Variants in PKD2L1 observed in about 807,000 individuals in gnomAD.
PKD2L1 encodes polycystin-2-like protein 1.
Under a neutral mutation model 93.0 loss-of-function variants are expected in PKD2L1, and 77 were observed. That is an observed-to-expected ratio of 0.83 (90% CI 0.69 to 1.00). The LOEUF is 1.00. Among genes scored for constraint, PKD2L1 ranks in the 50% least tolerant of loss-of-function variants. The pLI is 0.00. For missense variants in PKD2L1, 977 were observed against 990.9 expected, an observed-to-expected ratio of 0.99 and a Z score of 0.19; for synonymous variants, 390 against 388.0, an observed-to-expected ratio of 1.01 and a Z score of -0.06.
intron 6 of PKD2L1, among the ~76,000 whole-genome samples, chr10:100,296,734 C>T (rs1195827220): frequency 1.1e-4 from 16 of 149,414 alleles, no homozygotes; most frequent in South Asian, 8.5e-4. Flanking sequence ...GAATATAGTA[C>T]ACTAAAAAAA....
At chr10:100,296,397 A>T in intron 6 of PKD2L1, 105 bp from the exon 7 acceptor site, 1 of 865,950 alleles carries the variant, frequency 1.2e-6, no homozygotes, top group Non-Finnish European at 1.7e-6. Flanking sequence ...GACAGGTGGG[A>T]AAAAAGCCAT....
At chr10:100,294,089 G>A (rs1848466587) in intron 9 of PKD2L1, among the ~76,000 whole-genome samples, 1 of 152,214 alleles carries the variant, frequency 6.6e-6, no homozygotes, top group South Asian at 2.1e-4. Context: ...CTCCAGCCTG[G>A]GTGACAGAGT....
intron 2 of PKD2L1, among the ~76,000 whole-genome samples, chr10:100,301,898 G>T (rs1396952697): frequency 6.6e-6 from 1 of 152,120 alleles, no homozygotes; most frequent in Non-Finnish European, 1.5e-5. Flanking sequence ...TCCATTCGGG[G>T]TCCCTGACTT....
chr10:100,289,105 C>T (rs1322358592), intron 14 of PKD2L1, 49 bp from the exon 15 acceptor site: 1 of 1,359,908 alleles, frequency 7.4e-7, no homozygotes, highest in Non-Finnish European at 1.0e-6. Flanking sequence ...AGTTTGTGTA[C>T]CACTTTTCTT....
chr10:100,328,112 C>T (rs780434340), intron 2 of PKD2L1, among the ~76,000 whole-genome samples: 2 of 152,220 alleles, frequency 1.3e-5, no homozygotes, highest in African/African-American at 4.8e-5. Flanking sequence ...CACAACCCCA[C>T]ACACAACTAT....
At chr10:100,301,464 C>T (rs1043674251) in intron 2 of PKD2L1, among the ~76,000 whole-genome samples, 4 of 150,812 alleles carry the variant, frequency 2.7e-5, no homozygotes, top group African/African-American at 7.4e-5. Flanking sequence ...GCCCCCCCCC[C>T]GGGAATGCAT....
chr10:100,288,938 C>G, intron 15 of PKD2L1, 34 bp downstream of exon 15: 1 of 1,427,522 alleles, frequency 7.0e-7, no homozygotes, highest in Non-Finnish European at 9.7e-7. Context: ...GGGAGGGAAG[C>G]CTGCTGTCTG....
intron 2 of PKD2L1, among the ~76,000 whole-genome samples, chr10:100,308,376 C>T (rs570729677): frequency 2.0e-5 from 3 of 151,794 alleles, no homozygotes; most frequent in East Asian, 3.9e-4. Flanking sequence ...CTCTTGTTGC[C>T]CTGGCTGGAG....
At chr10:100,309,371 T>C (rs926005237) in intron 2 of PKD2L1, among the ~76,000 whole-genome samples, 2 of 97,456 alleles carry the variant, frequency 2.1e-5, no homozygotes, top group African/African-American at 7.1e-5. Context: ...ACTATAATAA[T>C]AGTAAAACAA....
chr10:100,299,786 C>T lies in PKD2L1; in HGVS notation c.350-68G>A, dbSNP rs561429807. ...CCAGAGGAGACAGGAAAGCCTATTG[C>T]CCTGGAGTCAGAGATGCTTCCAAGA... On this transcript the variant is annotated intron_variant, in intron 2 of 15. Transcript: ENST00000318222. 753 of 1,453,536 alleles carry T rather than the reference C, an allele frequency of 5.2e-4. 1 individual carries two copies. Among genetic ancestry groups the T allele is most frequent in the Non-Finnish European group, 6.6e-4 (687 of 1,039,304 alleles). The allele number at this position is 1,453,536 out of a possible 1,614,324, so 90.0% of individuals were successfully genotyped here.
At chr10:100,303,175 A>C (rs1255066849) in intron 2 of PKD2L1, among the ~76,000 whole-genome samples, 1 of 150,490 alleles carries the variant, frequency 6.6e-6, no homozygotes, top group Non-Finnish European at 1.5e-5. Flanking sequence ...CTTTAAGTCC[A>C]TAATTACATC....
intron 11 of PKD2L1, 152 bp downstream of exon 11, chr10:100,292,796 A>T: frequency 1.4e-6 from 1 of 708,452 alleles, no homozygotes; most frequent in Non-Finnish European, 2.3e-6. Flanking sequence ...GAAGGTCAGG[A>T]GCGGAGACCT....
At chr10:100,329,786 TCCACCC>T in intron 1 of PKD2L1, 77 bp downstream of exon 1, 1 of 938,760 alleles carries the variant, frequency 1.1e-6, no homozygotes, top group African/African-American at 1.6e-5. Flanking sequence ...CAGATCACAT[TCCACCC>T]CCACCCCCTG....
At chr10:100,309,373 G>T (rs1848880024) in intron 2 of PKD2L1, among the ~76,000 whole-genome samples, 1 of 96,712 alleles carries the variant, frequency 1.0e-5, no homozygotes, top group African/African-American at 3.6e-5. Context: ...TATAATAATA[G>T]TAAAACAATA....
Position 100,294,527 on chromosome 10 carries a change from AC to A in PKD2L1, c.1659+7del, listed in dbSNP as rs776194522. On this transcript the variant is annotated splice_region_variant and intron_variant, in intron 9 of 15. Coordinates refer to ENST00000318222, the MANE Select transcript of PKD2L1 (RefSeq NM_016112.3). ...CTCTATGTCCCCACCCCTCAGAGAG[AC>A]CCTCACCAGGAGCACGAAGAAGACG... The A allele has an allele frequency of 1.2e-6, 2 of 1,614,054 alleles. No individual in the cohort carries two copies. The highest frequency in any genetic ancestry group is 2.2e-5 in the South Asian group (2 of 91,072).
At position 100,297,037 on chromosome 10, in the gene PKD2L1, A is replaced by C. The variant is rs755019470; in HGVS notation, c.1128T>G (p.Ile376Met). ...YVVEEILELH[I>M]HRLRYLSSIW... The stretch of plus-strand genomic sequence containing the variant: ...TGCTGCTGAGGTAGCGAAGCCGGTG[A>C]ATGTGGAGCTCCAGGATCTCTTCCA... The change falls in exon 6 of 16, where the codon ATT becomes ATG. Residue 376 changes from isoleucine (I) to methionine (M), a missense_variant. Transcript: ENST00000318222. 6 of 1,614,144 alleles carry C rather than the reference A, an allele frequency of 3.7e-6. No individual in the cohort carries two copies. The highest frequency in any genetic ancestry group is 4.2e-6 in the Non-Finnish European group (5 of 1,179,990).
intron 2 of PKD2L1, among the ~76,000 whole-genome samples, chr10:100,310,512 T>G (rs10883458): frequency 0.63 from 96,203 of 151,948 alleles, 30,655 homozygotes; most frequent in Admixed American, 0.71. Context: ...GCTCTTCAAG[T>G]TTTATTTCTG....
chr10:100,302,170 T>A (rs956228845), intron 2 of PKD2L1, among the ~76,000 whole-genome samples: 1 of 152,072 alleles, frequency 6.6e-6, no homozygotes, highest in Non-Finnish European at 1.5e-5. Flanking sequence ...CAATTCCTTC[T>A]CCATTTATTA....
At chr10:100,295,910 C>T (rs1848523646) in intron 7 of PKD2L1, among the ~76,000 whole-genome samples, 1 of 151,392 alleles carries the variant, frequency 6.6e-6, no homozygotes, top group Admixed American at 6.6e-5. Context: ...GTGGTGGGTG[C>T]CTGTAGTCCC....
Sources: gnomAD v4.1 joint callset for allele counts (sites outside exome capture counted in the v4.1 genomes callset) on GRCh38, gnomAD v4.1.1 for gene constraint, MANE v1.5 for transcripts, NCBI Gene and HGNC (gene_info 2026-07-23, HGNC 2026-07-21) for gene names.